The following DENND1A variants were observed in gnomAD, a reference collection of about 807,000 sequenced individuals.
The protein encoded by DENND1A is DENN domain containing 1A, also known as DENN domain-containing protein 1A.
Under a neutral mutation model 113.7 loss-of-function variants are expected in DENND1A, and 51 were observed. That is an observed-to-expected ratio of 0.45 (90% confidence interval 0.36 to 0.57). The LOEUF is 0.57. Ranked by LOEUF, DENND1A falls within the 20% of genes least tolerant of loss-of-function variation. The pLI is 0.00. For synonymous variants in DENND1A, 565 were observed against 570.8 expected, an observed-to-expected ratio of 0.99 and a Z score of 0.14; for missense variants, 1,258 against 1,395.9, an observed-to-expected ratio of 0.90 and a Z score of 1.57.
chr9:123,794,410 A>G (rs1833471236), intron 2 of DENND1A, among the ~76,000 whole-genome samples: 1 of 152,228 alleles, frequency 6.6e-6, no homozygotes, highest in Non-Finnish European at 1.5e-5. Context: ...AATAAAACAG[A>G]GGCTGGGAAA....
chr9:123,531,358 G>T (rs77716745), intron 13 of DENND1A, among the ~76,000 whole-genome samples: 2,668 of 151,864 alleles, frequency 0.018, 30 homozygotes, highest in Non-Finnish European at 0.027. Context: ...TTTACATTTG[G>T]ACTTCATTTT....
chr9:123,552,027 G>GAGAC (rs2057099944), intron 13 of DENND1A, among the ~76,000 whole-genome samples: 1 of 143,140 alleles, frequency 7.0e-6, no homozygotes, highest in African/African-American at 2.8e-5. Flanking sequence ...GCGAGAGAGA[G>GAGAC]AGAGAGAGAG....
chr9:123,413,786 C>T (rs1182282419), intron 19 of DENND1A: 17 of 985,312 alleles, frequency 1.7e-5, no homozygotes, highest in Non-Finnish European at 2.0e-5. Flanking sequence ...TGTTTTTTCC[C>T]CTTCCTGGCT....
intron 2 of DENND1A, among the ~76,000 whole-genome samples, chr9:123,818,992 C>T (rs2132577504): frequency 6.6e-6 from 1 of 152,338 alleles, no homozygotes; most frequent in East Asian, 1.9e-4. Context: ...AAGTCAGCAT[C>T]ACCTACAAAC....
chr9:123,747,212 G>T (rs2069591259), intron 5 of DENND1A, among the ~76,000 whole-genome samples: 2 of 151,992 alleles, frequency 1.3e-5, no homozygotes, highest in African/African-American at 4.8e-5. Context: ...TCTTAAATCG[G>T]TTTTTAAAAA....
chr9:123,561,139 G>A (rs1039871574), intron 12 of DENND1A, among the ~76,000 whole-genome samples: 1 of 152,194 alleles, frequency 6.6e-6, no homozygotes, highest in African/African-American at 2.4e-5. Flanking sequence ...CAAGGGCCTT[G>A]GGCCACCTGT....
chr9:123,512,045 G>A (rs928422897), intron 13 of DENND1A, among the ~76,000 whole-genome samples: 3 of 152,182 alleles, frequency 2.0e-5, no homozygotes, highest in African/African-American at 4.8e-5. Flanking sequence ...GTAGGTCACC[G>A]TGTTCCTGGA....
intron 23 of DENND1A, among the ~76,000 whole-genome samples, chr9:123,382,943 G>A (rs547469738): frequency 2.2e-4 from 34 of 152,336 alleles, no homozygotes; most frequent in African/African-American, 7.0e-4. Context: ...GCAGGCACCC[G>A]CAATCACCTG....
intron 11 of DENND1A, among the ~76,000 whole-genome samples, chr9:123,604,611 G>T (rs1346643): frequency 6.6e-6 from 1 of 152,096 alleles, no homozygotes; most frequent in Non-Finnish European, 1.5e-5. Context: ...GATACAGAAA[G>T]ATGTAGTATC....
At chr9:123,465,110 G>C (rs1041356318) in intron 13 of DENND1A, among the ~76,000 whole-genome samples, 19 of 151,542 alleles carry the variant, frequency 1.3e-4, no homozygotes, top group African/African-American at 4.4e-4. Context: ...GAACCCGGGA[G>C]GTGGAGGTTG....
At chr9:123,840,190 G>T (rs759273268) in intron 2 of DENND1A, among the ~76,000 whole-genome samples, 9 of 150,038 alleles carry the variant, frequency 6.0e-5, no homozygotes, top group Admixed American at 2.7e-4. Context: ...ATCCCTTTAA[G>T]GTACTGACCA....
At chr9:123,872,800 A>C (rs1846849905) in intron 2 of DENND1A, among the ~76,000 whole-genome samples, 1 of 152,202 alleles carries the variant, frequency 6.6e-6, no homozygotes, top group South Asian at 2.1e-4. Context: ...TATAAGAAAA[A>C]TTGTAAGAAT....
intron 2 of DENND1A, among the ~76,000 whole-genome samples, chr9:123,812,892 A>T (rs748731379): frequency 1.7e-4 from 26 of 152,114 alleles, no homozygotes; most frequent in Admixed American, 5.2e-4. Context: ...TGCCATACCA[A>T]AGTTTCAGAT....
At chr9:123,798,930 TA>T (rs1279592630) in intron 2 of DENND1A, among the ~76,000 whole-genome samples, 2 of 152,140 alleles carry the variant, frequency 1.3e-5, no homozygotes, top group Admixed American at 6.5e-5. Context: ...TTTATGATTA[TA>T]ATCTCAGGCT....
At chr9:123,443,644 G>A (rs192788105) in intron 18 of DENND1A, among the ~76,000 whole-genome samples, 456 of 152,354 alleles carry the variant, frequency 3.0e-3, no homozygotes, top group Middle Eastern at 6.8e-3. Flanking sequence ...AGCACAAGAG[G>A]AGGAGCCCAC....
At chr9:123,587,693 A>G (rs1365978401) in intron 11 of DENND1A, among the ~76,000 whole-genome samples, 1 of 152,212 alleles carries the variant, frequency 6.6e-6, no homozygotes, top group Non-Finnish European at 1.5e-5. Flanking sequence ...ATGGGGAAGC[A>G]CATCACACAC....
chr9:123,840,210 T>C (rs2132944430), intron 2 of DENND1A, among the ~76,000 whole-genome samples: 1 of 152,220 alleles, frequency 6.6e-6, no homozygotes, highest in African/African-American at 2.4e-5. Flanking sequence ...ATAAATGGTG[T>C]AATTTGCCCT....
At chr9:123,452,212 A>G (rs1194767509) in intron 17 of DENND1A, 64 bp downstream of exon 17, 4 of 1,440,524 alleles carry the variant, frequency 2.8e-6, no homozygotes, top group African/African-American at 1.4e-5. Flanking sequence ...GTAAATAAAT[A>G]AAGAGTCTCA....
chr9:123,886,959 G>A (rs973575562), intron 1 of DENND1A, among the ~76,000 whole-genome samples: 10 of 152,190 alleles, frequency 6.6e-5, no homozygotes, highest in African/African-American at 1.7e-4. Context: ...ATATCCCTAC[G>A]GGAAGATTCT....
Sources: allele counts gnomAD v4.1 joint callset (sites outside exome capture counted in the v4.1 genomes callset), GRCh38; gene constraint gnomAD v4.1.1; transcripts MANE v1.5; gene names NCBI Gene and HGNC (gene_info 2026-07-23, HGNC 2026-07-21).